Variants in GALNTL6 observed in about 807,000 individuals in gnomAD.
GALNTL6 encodes the protein polypeptide N-acetylgalactosaminyltransferase like 6.
Under a neutral mutation model 73.7 loss-of-function variants are expected in GALNTL6, and 46 were observed. The ratio of observed to expected loss-of-function variants is 0.62; its 90% CI spans 0.49 to 0.80. The LOEUF is 0.80. Among genes scored for constraint, GALNTL6 ranks in the 30% least tolerant of loss-of-function variants. The pLI, the probability that GALNTL6 is intolerant of heterozygous loss-of-function variation, is 0.00. For synonymous variants in GALNTL6, 259 were observed against 263.7 expected (o/e 0.98, Z 0.17); for missense variants, 604 against 755.0 (o/e 0.80, Z 2.34).
chr4:172,397,943 C>CT (rs912213926), intron 5 of GALNTL6, among the ~76,000 whole-genome samples: 15 of 151,450 alleles, frequency 9.9e-5, no homozygotes, highest in Admixed American at 6.6e-4. Context: ...AAAAGTCTTT[C>CT]TTTTTTTTTA....
At chr4:172,424,524 C>T (rs1371029815) in intron 5 of GALNTL6, among the ~76,000 whole-genome samples, 1 of 152,020 alleles carries the variant, frequency 6.6e-6, no homozygotes, top group Non-Finnish European at 1.5e-5. Flanking sequence ...ACTATAAAAA[C>T]GATTTAAATG....
chr4:171,965,726 A>G (rs1739366786), intron 2 of GALNTL6, among the ~76,000 whole-genome samples: 4 of 151,840 alleles, frequency 2.6e-5, no homozygotes, highest in Admixed American at 2.6e-4. Context: ...ATAAAAAGCT[A>G]GCTGACTTAA....
At chr4:171,993,500 T>C (rs1439787786) in intron 2 of GALNTL6, among the ~76,000 whole-genome samples, 3 of 152,136 alleles carry the variant, frequency 2.0e-5, no homozygotes, top group African/African-American at 7.2e-5. Flanking sequence ...CTATTGTCAA[T>C]GGACAGCTAA....
At chr4:172,081,150 A>G (rs1731867934) in intron 2 of GALNTL6, among the ~76,000 whole-genome samples, 1 of 152,254 alleles carries the variant, frequency 6.6e-6, no homozygotes, top group African/African-American at 2.4e-5. Context: ...TATAGACATC[A>G]AAGGCAAAAG....
At chr4:172,650,799 A>C (rs538848600) in intron 5 of GALNTL6, among the ~76,000 whole-genome samples, 77 of 152,308 alleles carry the variant, frequency 5.1e-4, no homozygotes, top group African/African-American at 1.8e-3. Context: ...GATCATCAAA[A>C]TGTAAAATAA....
chr4:172,089,977 T>C (rs1441888716), intron 2 of GALNTL6, among the ~76,000 whole-genome samples: 2 of 152,188 alleles, frequency 1.3e-5, no homozygotes, highest in Non-Finnish European at 2.9e-5. Flanking sequence ...CTGTGTTAGT[T>C]TGCTGAGAAT....
intron 2 of GALNTL6, among the ~76,000 whole-genome samples, chr4:172,016,121 C>T (rs1741187156): frequency 6.6e-6 from 1 of 151,442 alleles, no homozygotes; most frequent in South Asian, 2.1e-4. Context: ...CTAGGAAGGC[C>T]AGGGAAGTTT....
chr4:172,287,271 G>A (rs1404939890), intron 3 of GALNTL6, among the ~76,000 whole-genome samples: 1 of 152,114 alleles, frequency 6.6e-6, no homozygotes, highest in East Asian at 1.9e-4. Flanking sequence ...CCAACACTCT[G>A]CCTCAGCCCT....
At chr4:172,156,539 T>C (rs1186234095) in intron 2 of GALNTL6, among the ~76,000 whole-genome samples, 1 of 47,712 alleles carries the variant, frequency 2.1e-5, no homozygotes, top group Admixed American at 2.6e-4. Context: ...CATATATATA[T>C]AATATATATA....
intron 5 of GALNTL6, among the ~76,000 whole-genome samples, chr4:172,568,757 C>CAAAAAAAAAAA (rs71592082): frequency 1.2e-4 from 8 of 67,064 alleles, no homozygotes; most frequent in Admixed American, 2.2e-4. Context: ...GACTCCATCT[C>CAAAAAAAAAAA]AAAAAAAAAA....
At chr4:171,957,561 T>C (rs914079032) in intron 2 of GALNTL6, among the ~76,000 whole-genome samples, 8 of 152,238 alleles carry the variant, frequency 5.3e-5, no homozygotes, top group African/African-American at 1.7e-4. Context: ...CAGTATTTAC[T>C]TTTCCAGTTT....
intron 3 of GALNTL6, among the ~76,000 whole-genome samples, chr4:172,275,122 A>G (rs1738782555): frequency 6.6e-6 from 1 of 152,192 alleles, no homozygotes. Context: ...TATTTTCTGC[A>G]TTCCTTTTTT....
At chr4:172,168,059 C>T (rs1253685235) in intron 2 of GALNTL6, among the ~76,000 whole-genome samples, 2 of 151,608 alleles carry the variant, frequency 1.3e-5, no homozygotes, top group Non-Finnish European at 2.9e-5. Flanking sequence ...CTTATACTTT[C>T]TGAAATATAT....
At position 172,751,657 on chromosome 4, in the gene GALNTL6, TTCACAGCACAGCA is replaced by T. The variant is rs563446066; in HGVS notation, c.554-57702_554-57690del. Among the ~76,000 whole-genome samples the T allele has an allele frequency of 3.9e-3, 597 of 152,324 alleles. 11 individuals are homozygous for T. The highest frequency in any genetic ancestry group is 4.6e-3 in the Admixed American group (71 of 15,294). On this transcript the variant is annotated intron_variant, in intron 5 of 12. Coordinates refer to ENST00000506823, the MANE Select transcript of GALNTL6 (RefSeq NM_001034845.3). ...GTAGGCTGGATCCTCATTTTCAGAC[TTCACAGCACAGCA>T]TATGCCCAATTGACAGCCTCTGGGC...
At chr4:171,912,734 A>G (rs1459597734) in intron 2 of GALNTL6, among the ~76,000 whole-genome samples, 3 of 151,610 alleles carry the variant, frequency 2.0e-5, no homozygotes, top group Non-Finnish European at 4.4e-5. Context: ...AGTAACCACC[A>G]CTCTACCCTT....
intron 5 of GALNTL6, among the ~76,000 whole-genome samples, chr4:172,644,703 C>A (rs1029301992): frequency 1.3e-5 from 2 of 151,818 alleles, no homozygotes; most frequent in Non-Finnish European, 2.9e-5. Context: ...ATTATTTCTT[C>A]CAGATATATG....
At chr4:172,401,950 G>GGGGA in intron 5 of GALNTL6, among the ~76,000 whole-genome samples, 2 of 76,852 alleles carry the variant, frequency 2.6e-5, no homozygotes, top group Admixed American at 1.2e-4. Context: ...AAAGGGGGAG[G>GGGGA]GGGGAGAGAG....
Position 172,457,913 on chromosome 4 carries a change from T to G in GALNTL6, c.553+109224T>G, listed in dbSNP as rs184633196. ...CCCAAATCAACAGAATATACATTCT[T>G]CTCAGCATCACATCGCACTTATTCT... On this transcript the variant is annotated intron_variant, in intron 5 of 12. Transcript: ENST00000506823. Among the ~76,000 whole-genome samples, 375 of 152,290 alleles carry G rather than the reference T, an allele frequency of 2.5e-3. 2 individuals are homozygous for G. The highest frequency in any genetic ancestry group is 4.4e-3 in the Non-Finnish European group (302 of 68,024).
intron 5 of GALNTL6, among the ~76,000 whole-genome samples, chr4:172,552,542 T>G (rs1735990998): frequency 6.6e-6 from 1 of 152,018 alleles, no homozygotes; most frequent in Non-Finnish European, 1.5e-5. Context: ...AAACATAAAG[T>G]CCAAATTTCG....
Sources: gnomAD v4.1 joint callset for allele counts (sites outside exome capture counted in the v4.1 genomes callset) on GRCh38, gnomAD v4.1.1 for gene constraint, MANE v1.5 for transcripts, NCBI Gene and HGNC (gene_info 2026-07-23, HGNC 2026-07-21) for gene names.